Variants in FAT3 observed in about 807,000 individuals in gnomAD.
FAT3 encodes the protein protocadherin Fat 3.
In FAT3, 95 loss-of-function variants were observed where a neutral mutation model predicts 310.2. The ratio of observed to expected loss-of-function variants is 0.31; its 90% CI spans 0.26 to 0.36. The LOEUF is 0.36. Among genes scored for constraint, FAT3 ranks in the 10% least tolerant of loss-of-function variants. The pLI is 1.00. For synonymous variants in FAT3, 2,314 were observed against 2,192.9 expected, an observed-to-expected ratio of 1.06 and a Z score of -1.54; for missense variants, 5,408 against 5,715.6, an observed-to-expected ratio of 0.95 and a Z score of 1.74.
chr11:92,317,185 A>G (rs1334051647), intron 1 of FAT3, among the ~76,000 whole-genome samples: 1 of 152,218 alleles, frequency 6.6e-6, no homozygotes, highest in Non-Finnish European at 1.5e-5. Flanking sequence ...GATGATTAAA[A>G]TATTTCTCTT....
chr11:92,714,402 A>G (rs1411112506), intron 4 of FAT3, among the ~76,000 whole-genome samples: 4 of 152,150 alleles, frequency 2.6e-5, no homozygotes, highest in Non-Finnish European at 5.9e-5. Context: ...AAAAAGCAGA[A>G]AAACTGTACT....
At position 92,882,773 on chromosome 11, in the gene FAT3, A is replaced by C. The variant is rs1278397529; in HGVS notation, c.12317A>C (p.Glu4106Ala). ...GACATCAATGAGTGCGAACGAGAGG[A>C]GTGTGAGAACGGAGGCTCCTGCGTG... Reference protein sequence around the residue: ...EEDINECEREECENGGSCVNV... With the variant: ...EEDINECEREACENGGSCVNV... The change falls in exon 24 of 28, where the codon GAG (glutamate) becomes GCG (alanine). Residue 4106 changes from glutamate to alanine, a missense_variant. Physicochemically the swap from Glu to Ala is moderately radical, Grantham distance 107. Transcript: ENST00000525166. 1 of 1,611,078 alleles carries C rather than the reference A, an allele frequency of 6.2e-7. No homozygotes were observed. The highest frequency in any genetic ancestry group is 1.1e-5 in the South Asian group (1 of 90,106).
At chr11:92,794,567 C>T (rs935904630) in intron 9 of FAT3, among the ~76,000 whole-genome samples, 1 of 152,322 alleles carries the variant, frequency 6.6e-6, no homozygotes, top group Admixed American at 6.5e-5. Context: ...AGTAATTTAA[C>T]TTACCATCCA....
chr11:92,701,993 C>T (rs1007713457), intron 4 of FAT3, among the ~76,000 whole-genome samples: 9 of 152,162 alleles, frequency 5.9e-5, no homozygotes, highest in Non-Finnish European at 1.5e-5. Flanking sequence ...TGTGGGAAAG[C>T]TCAGATGTTA....
intron 3 of FAT3, among the ~76,000 whole-genome samples, chr11:92,634,411 A>G (rs1347068650): frequency 6.6e-6 from 1 of 152,226 alleles, no homozygotes; most frequent in Non-Finnish European, 1.5e-5. Context: ...AGAATAAGGA[A>G]CAGCCAGACA....
intron 4 of FAT3, among the ~76,000 whole-genome samples, chr11:92,705,723 G>GAGATGACAGT (rs1944305311): frequency 9.2e-6 from 1 of 108,570 alleles, no homozygotes; most frequent in African/African-American, 3.7e-5. Context: ...GGTGGTGGTG[G>GAGATGACAGT]TGTGATGGTG....
chr11:92,563,642 A>C (rs528885936), intron 3 of FAT3, among the ~76,000 whole-genome samples: 21 of 152,148 alleles, frequency 1.4e-4, no homozygotes, highest in African/African-American at 4.8e-4. Context: ...ACCCAGCTTA[A>C]AATTCATACC....
At chr11:92,665,695 A>G (rs1447066633) in intron 3 of FAT3, among the ~76,000 whole-genome samples, 1 of 152,112 alleles carries the variant, frequency 6.6e-6, no homozygotes, top group African/African-American at 2.4e-5. Context: ...AAAATGGTCT[A>G]TTTGCCCATG....
At chr11:92,781,752 T>C (rs1157101972) in intron 7 of FAT3, among the ~76,000 whole-genome samples, 5 of 152,188 alleles carry the variant, frequency 3.3e-5, no homozygotes, top group Non-Finnish European at 5.9e-5. Flanking sequence ...TTTACATGCC[T>C]CATAAATTTT....
intron 19 of FAT3, among the ~76,000 whole-genome samples, chr11:92,856,137 C>T (rs1440061611): frequency 1.3e-5 from 2 of 152,024 alleles, no homozygotes; most frequent in Admixed American, 6.6e-5. Context: ...TGAACCACTG[C>T]ACTTGGCTGG....
chr11:92,422,586 T>C (rs1421897834), intron 2 of FAT3, among the ~76,000 whole-genome samples: 1 of 152,086 alleles, frequency 6.6e-6, no homozygotes, highest in Non-Finnish European at 1.5e-5. Context: ...GAGAGAGTTC[T>C]TTCAAAGGAG....
intron 3 of FAT3, among the ~76,000 whole-genome samples, chr11:92,657,507 A>G (rs998052010): frequency 6.6e-6 from 1 of 152,232 alleles, no homozygotes; most frequent in African/African-American, 2.4e-5. Context: ...TAAAGTACAG[A>G]TGAGTGCCTT....
chr11:92,255,829 T>G (rs1865295434), intron 1 of FAT3, among the ~76,000 whole-genome samples: 1 of 152,114 alleles, frequency 6.6e-6, no homozygotes, highest in Non-Finnish European at 1.5e-5. Context: ...AAAGGAAAAA[T>G]TCCATGTCAT....
intron 22 of FAT3, among the ~76,000 whole-genome samples, chr11:92,867,823 A>G (rs1468728815): frequency 1.3e-5 from 2 of 152,236 alleles, no homozygotes; most frequent in African/African-American, 4.8e-5. Context: ...CTAAAATCTC[A>G]GGACAAATAA....
chr11:92,551,400 A>G (rs1026984210), intron 3 of FAT3, among the ~76,000 whole-genome samples: 12 of 34,026 alleles, frequency 3.5e-4, no homozygotes, highest in South Asian at 2.1e-3. Flanking sequence ...TCTTGGTCCC[A>G]TGTTTTTTTT....
chr11:92,627,165 T>C (rs1941368418), intron 3 of FAT3, among the ~76,000 whole-genome samples: 1 of 152,198 alleles, frequency 6.6e-6, no homozygotes, highest in Non-Finnish European at 1.5e-5. Flanking sequence ...GTGTAACTCA[T>C]GTTAATATTA....
At chr11:92,380,110 T>TG (rs397935661) in intron 2 of FAT3, among the ~76,000 whole-genome samples, 4 of 148,824 alleles carry the variant, frequency 2.7e-5, no homozygotes, top group Admixed American at 2.7e-4. Flanking sequence ...TGTGTGTGTG[T>TG]TCAATGAAGG....
intron 3 of FAT3, among the ~76,000 whole-genome samples, chr11:92,641,018 G>A (rs1486969096): frequency 6.6e-6 from 1 of 152,134 alleles, no homozygotes; most frequent in Non-Finnish European, 1.5e-5. Flanking sequence ...GCAACATGGT[G>A]AAACCCTGTC....
intron 1 of FAT3, among the ~76,000 whole-genome samples, chr11:92,291,115 ACATGCACG>A (rs1489412389): frequency 2.6e-5 from 4 of 151,054 alleles, no homozygotes; most frequent in Admixed American, 6.6e-5. Context: ...ACACACACAC[ACATGCACG>A]CGCGCAGAAG....
Sources: allele counts gnomAD v4.1 joint callset (sites outside exome capture counted in the v4.1 genomes callset), GRCh38; gene constraint gnomAD v4.1.1; transcripts MANE v1.5; gene names NCBI Gene and HGNC (gene_info 2026-07-23, HGNC 2026-07-21).